The following PCDH7 variants were observed in gnomAD, a reference collection of about 807,000 sequenced individuals.
PCDH7 encodes the protein protocadherin-7.
PCDH7 carries 17 observed loss-of-function variants against 58.9 expected under a neutral mutation model. That is an observed-to-expected ratio of 0.29 (90% CI 0.20 to 0.43). The LOEUF is 0.43. Ranked by LOEUF, PCDH7 falls within the 20% of genes least tolerant of loss-of-function variation. The probability of loss-of-function intolerance (pLI) is 1.00; values close to 1 mark genes in which losing one functional copy is unlikely to be tolerated. For synonymous variants in PCDH7, 664 were observed against 616.4 expected (o/e 1.08, Z -1.14); for missense variants, 1,274 against 1,441.0 (o/e 0.88, Z 1.88).
downstream of PCDH7, among the ~76,000 whole-genome samples, chr4:30,735,959 T>G (rs1716189996): frequency 6.6e-6 from 1 of 152,242 alleles, no homozygotes. Context: ...GTCTAACTGC[T>G]TCATCTCCAT....
chr4:31,114,632 A>AACACACACACACACACAC (rs34203962), intron 3 of PCDH7, among the ~76,000 whole-genome samples: 62 of 143,688 alleles, frequency 4.3e-4, no homozygotes, highest in African/African-American at 1.5e-3. Context: ...CACACATACA[A>AACACACACACACACACAC]ACACACACAC....
At chr4:30,842,711 C>T (rs529157913) in intron 1 of PCDH7, among the ~76,000 whole-genome samples, 1 of 152,100 alleles carries the variant, frequency 6.6e-6, no homozygotes, top group East Asian at 1.9e-4. Context: ...TAGGTATTAG[C>T]TTATATTCTG....
intron 3 of PCDH7, among the ~76,000 whole-genome samples, chr4:31,043,454 T>C (rs1756045185): frequency 1.3e-5 from 2 of 152,128 alleles, no homozygotes; most frequent in African/African-American, 4.8e-5. Flanking sequence ...CTGTTGTTTT[T>C]TGACTTTTAG....
intron 3 of PCDH7, among the ~76,000 whole-genome samples, chr4:31,050,183 G>A (rs1756621119): frequency 6.6e-6 from 1 of 152,138 alleles, no homozygotes; most frequent in Non-Finnish European, 1.5e-5. Context: ...ACAGAGAAGA[G>A]TACCCTCAGG....
At chr4:30,807,555 T>A (rs1726392684) in intron 1 of PCDH7, among the ~76,000 whole-genome samples, 1 of 152,182 alleles carries the variant, frequency 6.6e-6, no homozygotes, top group Admixed American at 6.5e-5. Context: ...GAAAGACTCT[T>A]ACTCAGCAAA....
chr4:30,917,012 C>G (rs889236085), intron 1 of PCDH7, among the ~76,000 whole-genome samples: 6 of 152,140 alleles, frequency 3.9e-5, no homozygotes, highest in African/African-American at 1.4e-4. Flanking sequence ...CAGTAATTAA[C>G]AAAGTGACAG....
chr4:31,021,535 G>A (rs191216370), intron 3 of PCDH7, among the ~76,000 whole-genome samples: 1 of 152,244 alleles, frequency 6.6e-6, no homozygotes, highest in Non-Finnish European at 1.5e-5. Flanking sequence ...TACATTGACT[G>A]TTTGCTTATA....
rs1330075518 is a variant in PCDH7, at chr4:30,723,931, G to A, written c.2509G>A (p.Val837Met). 3.1e-6 allele frequency: 5 copies of A among 1,613,966 alleles called. No individual in the cohort carries two copies. The South Asian group carries it at 4.4e-5, about 14-fold the overall frequency. The stretch of plus-strand genomic sequence containing the variant: ...CCAGTCCACCACGACTCTGGTGCAC[G>A]TGTTTGTCAATGAAAGTGTTTCTAA... The change falls in exon 1 of 2, where the codon GTG becomes ATG. Residue 837 changes from valine (V) to methionine (M), a missense_variant. By Grantham distance (21) the Val-to-Met change is conservative. This residue lies in a region of PCDH7 where 731 missense variants were observed against 881.9 expected (regional missense o/e 0.83). Coordinates refer to ENST00000361762, the Ensembl canonical transcript of PCDH7. The surrounding 1 kb of genome is among the most constrained non-coding windows in gnomAD (Gnocchi z 4.6).
intron 3 of PCDH7, among the ~76,000 whole-genome samples, chr4:31,087,196 C>T (rs1712556372): frequency 6.6e-6 from 1 of 152,094 alleles, no homozygotes. Flanking sequence ...ATAATTTCTA[C>T]ATCAGTACGT....
At chr4:30,866,328 T>C (rs779075956) in intron 1 of PCDH7, among the ~76,000 whole-genome samples, 22 of 151,996 alleles carry the variant, frequency 1.4e-4, no homozygotes, top group Non-Finnish European at 1.2e-4. Flanking sequence ...TATCTAAACT[T>C]CCTCCAGAAA....
At chr4:30,920,404 C>A in intron 2 of PCDH7, 35 bp downstream of exon 2, 1 of 1,334,764 alleles carries the variant, frequency 7.5e-7, no homozygotes, top group South Asian at 1.1e-5. Context: ...CACATAATCA[C>A]GCTAGTGAGC....
intron 1 of PCDH7, among the ~76,000 whole-genome samples, chr4:30,794,313 A>C (rs1409668133): frequency 1.3e-5 from 2 of 152,232 alleles, no homozygotes; most frequent in South Asian, 2.1e-4. Context: ...TAATATCCAA[A>C]GATTCTGTCA....
At chr4:30,757,648 T>A (rs2109265162) in intron 1 of PCDH7, among the ~76,000 whole-genome samples, 1 of 152,346 alleles carries the variant, frequency 6.6e-6, no homozygotes, top group East Asian at 1.9e-4. Flanking sequence ...TATGCAATGC[T>A]TTCCCTGCCT....
intron 3 of PCDH7, among the ~76,000 whole-genome samples, chr4:30,958,532 C>T (rs976057164): frequency 6.6e-6 from 1 of 151,808 alleles, no homozygotes; most frequent in African/African-American, 2.4e-5. Context: ...TAATAAAACT[C>T]TTAACAATCC....
intron 3 of PCDH7, among the ~76,000 whole-genome samples, chr4:30,968,351 T>TAC (rs71190481): frequency 2.7e-5 from 2 of 74,036 alleles, no homozygotes; most frequent in Non-Finnish European, 5.0e-5. Flanking sequence ...TATATATATA[T>TAC]ACACACACTA....
intron 1 of PCDH7, among the ~76,000 whole-genome samples, chr4:30,788,010 G>A (rs990709245): frequency 1.3e-5 from 2 of 151,848 alleles, no homozygotes; most frequent in African/African-American, 2.4e-5. Flanking sequence ...TGATACCAAC[G>A]CCTGAAAATA....
intron 1 of PCDH7, among the ~76,000 whole-genome samples, chr4:30,822,239 C>T (rs1728467854): frequency 6.6e-6 from 1 of 152,104 alleles, no homozygotes; most frequent in Non-Finnish European, 1.5e-5. Context: ...TTGCAAGCAA[C>T]TTCTATTATT....
At chr4:31,106,021 A>ATATAT (rs1553852435) in intron 3 of PCDH7, among the ~76,000 whole-genome samples, 14 of 100,608 alleles carry the variant, frequency 1.4e-4, no homozygotes, top group Middle Eastern at 6.2e-3. Context: ...AAAGAAAAAA[A>ATATAT]AAATATATAT....
At chr4:30,740,511 T>A (rs763446085) in intron 1 of PCDH7, among the ~76,000 whole-genome samples, 2 of 152,168 alleles carry the variant, frequency 1.3e-5, no homozygotes. Context: ...TAGTTTGTTA[T>A]TTATATCATT....
Sources: allele counts gnomAD v4.1 joint callset (sites outside exome capture counted in the v4.1 genomes callset), GRCh38; gene constraint gnomAD v4.1.1; regional missense constraint gnomAD v4.1.1; non-coding constraint Gnocchi (gnomAD v3.1); transcripts MANE v1.5; gene names NCBI Gene and HGNC (gene_info 2026-07-23, HGNC 2026-07-21).